ZNF438: variants seen among roughly 807,000 people sequenced by gnomAD.
The protein encoded by ZNF438 is zinc finger protein 438.
In ZNF438, 25 loss-of-function variants were observed where a neutral mutation model predicts 38.0. That is an observed-to-expected ratio of 0.66 (90% CI 0.48 to 0.92). The LOEUF is 0.92. ZNF438 is among the 40% of genes least tolerant of loss of function. The pLI is 0.00. For synonymous variants in ZNF438, 372 were observed against 364.1 expected, an observed-to-expected ratio of 1.02 and a Z score of -0.25; for missense variants, 1,007 against 999.6, an observed-to-expected ratio of 1.01 and a Z score of -0.10.
chr10:30,983,441 T>C (rs1343646064), intron 1 of ZNF438, among the ~76,000 whole-genome samples: 1 of 151,640 alleles, frequency 6.6e-6, no homozygotes, highest in African/African-American at 2.4e-5. Context: ...AAGGGGGAGG[T>C]GTTACACACT....
At chr10:30,885,887 GATGCTAGCCATCTTCAAAT>G (rs2039890645) in intron 3 of ZNF438, among the ~76,000 whole-genome samples, 1 of 152,180 alleles carries the variant, frequency 6.6e-6, no homozygotes, top group African/African-American at 2.4e-5. Flanking sequence ...TTCAAGGGGA[GATGCTAGCCATCTTCAAAT>G]ATCTGAAGAA....
At chr10:30,902,717 C>T (rs529526325) in intron 3 of ZNF438, among the ~76,000 whole-genome samples, 2 of 152,346 alleles carry the variant, frequency 1.3e-5, no homozygotes, top group Non-Finnish European at 2.9e-5. Flanking sequence ...TTTTCCAAGT[C>T]CTCACTAGAC....
intron 3 of ZNF438, among the ~76,000 whole-genome samples, chr10:30,893,138 C>T (rs1041066683): frequency 6.6e-6 from 1 of 152,142 alleles, no homozygotes; most frequent in African/African-American, 2.4e-5. Context: ...ATGAAAGTGC[C>T]TCAAAACCAT....
chr10:31,004,593 T>C (rs1165509842), intron 1 of ZNF438, among the ~76,000 whole-genome samples: 1 of 152,146 alleles, frequency 6.6e-6, no homozygotes, highest in Admixed American at 6.5e-5. Context: ...AATAGACACG[T>C]CGGAAGACTG....
intron 4 of ZNF438, among the ~76,000 whole-genome samples, chr10:30,854,346 T>C (rs2034239280): frequency 1.3e-5 from 2 of 152,142 alleles, no homozygotes; most frequent in African/African-American, 2.4e-5. Context: ...AAGTATCACA[T>C]ATACTGCCTG....
chr10:30,941,444 A>AT (rs1201707882), intron 2 of ZNF438, 131 bp downstream of exon 3: 1 of 152,216 alleles, frequency 6.6e-6, no homozygotes, highest in African/African-American at 2.4e-5. Context: ...AAGACCAGTG[A>AT]TTCAATATAC....
intron 1 of ZNF438, among the ~76,000 whole-genome samples, chr10:30,959,004 T>C (rs1314866384): frequency 6.8e-6 from 1 of 147,378 alleles, no homozygotes; most frequent in Non-Finnish European, 1.5e-5. Context: ...TAATATCTAT[T>C]ACAAATAATG....
intron 3 of ZNF438, among the ~76,000 whole-genome samples, chr10:30,888,907 A>G (rs934048466): frequency 2.0e-5 from 3 of 152,140 alleles, no homozygotes; most frequent in Admixed American, 2.0e-4. Context: ...GGATTGCTGG[A>G]TCCAATTGTA....
chr10:30,880,882 A>G (rs2039150425), intron 3 of ZNF438, among the ~76,000 whole-genome samples: 1 of 150,144 alleles, frequency 6.7e-6, no homozygotes, highest in Non-Finnish European at 1.5e-5. Context: ...AGAAAACTAC[A>G]TGATTATTTA....
intron 3 of ZNF438, among the ~76,000 whole-genome samples, chr10:30,881,799 G>T (rs1431363367): frequency 6.6e-6 from 1 of 152,112 alleles, no homozygotes; most frequent in Non-Finnish European, 1.5e-5. Context: ...GTATTTTCAT[G>T]AGAGTCCAAA....
chr10:30,940,927 A>G (rs2046755121), intron 2 of ZNF438, among the ~76,000 whole-genome samples: 1 of 152,114 alleles, frequency 6.6e-6, no homozygotes, highest in African/African-American at 2.4e-5. Context: ...AAAACTATAT[A>G]TATATATTAG....
chr10:31,005,142 T>G (rs2055001340), intron 1 of ZNF438, among the ~76,000 whole-genome samples: 1 of 152,176 alleles, frequency 6.6e-6, no homozygotes, highest in Non-Finnish European at 1.5e-5. Context: ...CACCATCTCA[T>G]AAAGATACTT....
At chr10:31,011,334 AC>A (rs1454198616) in intron 1 of ZNF438, among the ~76,000 whole-genome samples, 1 of 151,920 alleles carries the variant, frequency 6.6e-6, no homozygotes, top group Non-Finnish European at 1.5e-5. Flanking sequence ...TGCACTCCTG[AC>A]CCCCATTTCC....
chr10:30,898,557 ATATT>A (rs2041629797), intron 3 of ZNF438, among the ~76,000 whole-genome samples: 1 of 152,144 alleles, frequency 6.6e-6, no homozygotes, highest in Admixed American at 6.5e-5. Context: ...TATATTGTAT[ATATT>A]TATATAATAC....
chr10:31,008,279 A>C (rs2055347397), intron 1 of ZNF438, among the ~76,000 whole-genome samples: 1 of 152,204 alleles, frequency 6.6e-6, no homozygotes, highest in Non-Finnish European at 1.5e-5. Context: ...TTCTTTTTTA[A>C]CAGCTTCATT....
chr10:31,028,204 G>GAA (rs1205478775), intron 1 of ZNF438, among the ~76,000 whole-genome samples: 1 of 151,934 alleles, frequency 6.6e-6, no homozygotes, highest in African/African-American at 2.4e-5. Flanking sequence ...ATTCCAATAG[G>GAA]TGGAACTTTG....
chr10:30,845,090 T>TC lies in ZNF438; in HGVS notation c.2357dup (p.Arg787ThrfsTer14). 6.2e-7 allele frequency: 1 copy of TC among 1,614,178 alleles called. No homozygotes were observed. The highest frequency in any genetic ancestry group is 8.5e-7 in the Non-Finnish European group (1 of 1,180,016). ...AGTGGTGGAGGAGGTCCTCTTTCCGTCCCAGCATCTCTGCACAAAGCAGGC... is the reference window on the plus strand; with the variant it reads ...AGTGGTGGAGGAGGTCCTCTTTCCGTCCCCAGCATCTCTGCACAAAGCAGGC... On this transcript the variant is annotated frameshift_variant, in exon 6 of 6. Transcript: ENST00000413025. LOFTEE classifies it low-confidence loss of function (END_TRUNC).
intron 2 of ZNF438, among the ~76,000 whole-genome samples, chr10:30,917,532 C>T (rs1475791952): frequency 1.3e-5 from 2 of 152,090 alleles, no homozygotes; most frequent in Non-Finnish European, 2.9e-5. Context: ...CTCATTTTAA[C>T]CTGCATTTCC....
At chr10:31,025,674 G>T (rs561688486) in intron 1 of ZNF438, among the ~76,000 whole-genome samples, 1 of 152,154 alleles carries the variant, frequency 6.6e-6, no homozygotes, top group African/African-American at 2.4e-5. Flanking sequence ...TTTCTTCTGG[G>T]TGTTCTTTTG....
Sources: allele counts gnomAD v4.1 joint callset (sites outside exome capture counted in the v4.1 genomes callset), GRCh38; gene constraint gnomAD v4.1.1; transcripts MANE v1.5; gene names NCBI Gene and HGNC (gene_info 2026-07-23, HGNC 2026-07-21).